Variants in ARPC1B observed in about 807,000 individuals in gnomAD.
The protein encoded by ARPC1B is actin related protein 2/3 complex subunit 1B.
In ARPC1B, 29 loss-of-function variants were observed where a neutral mutation model predicts 46.0. The ratio of observed to expected loss-of-function variants is 0.63; its 90% CI spans 0.47 to 0.86. ARPC1B has a LOEUF of 0.86. ARPC1B is among the 40% of genes least tolerant of loss of function. ARPC1B has a pLI of 0.00. For missense variants in ARPC1B, 469 were observed against 529.4 expected (o/e 0.89, Z 1.12); for synonymous variants, 201 against 213.9 (o/e 0.94, Z 0.53).
At chr7:99,392,986 C>G (rs925971185) in intron 8 of ARPC1B, 110 bp downstream of exon 8, 1 of 1,176,450 alleles carries the variant, frequency 8.5e-7, no homozygotes, top group East Asian at 2.8e-5. Flanking sequence ...GTGCTGGGAC[C>G]TTGAGGACTG....
At chr7:99,375,517 T>TAGGGC (rs778179103) in intron 1 of ARPC1B, among the ~76,000 whole-genome samples, 2 of 152,042 alleles carry the variant, frequency 1.3e-5, no homozygotes, top group Non-Finnish European at 2.9e-5. Context: ...CCAGGCCGCC[T>TAGGGC]AGGGCGGGGC....
intron 1 of ARPC1B, among the ~76,000 whole-genome samples, chr7:99,378,877 C>T (rs923046735): frequency 1.4e-5 from 2 of 141,944 alleles, no homozygotes; most frequent in African/African-American, 5.6e-5. Flanking sequence ...TCCGGGTTCA[C>T]GCCATTCTCT....
intron 1 of ARPC1B, among the ~76,000 whole-genome samples, chr7:99,382,764 G>A (rs1794266589): frequency 6.6e-6 from 1 of 151,446 alleles, no homozygotes; most frequent in African/African-American, 2.4e-5. Flanking sequence ...ATGAGCCACT[G>A]CGCCTGGCCC....
At chr7:99,387,453 A>C (rs937135523) in intron 3 of ARPC1B, among the ~76,000 whole-genome samples, 1 of 148,306 alleles carries the variant, frequency 6.7e-6, no homozygotes, top group Non-Finnish European at 1.5e-5. Flanking sequence ...AAAGAAAGAA[A>C]GAGGCCGGGT....
intron 9 of ARPC1B, 137 bp from the exon 10 acceptor site, chr7:99,394,314 A>T: frequency 9.2e-7 from 1 of 1,081,498 alleles, no homozygotes; most frequent in Non-Finnish European, 1.4e-6. Context: ...CCGGGATTCC[A>T]ACCCAGCTGA....
At chr7:99,388,558 C>T in intron 4 of ARPC1B, 1 of 377,384 alleles carries the variant, frequency 2.6e-6, no homozygotes, top group Non-Finnish European at 4.9e-6. Flanking sequence ...GGTCACTGTC[C>T]CCACTTTACA....
chr7:99,388,459 A>G (rs1794470610), intron 4 of ARPC1B, among the ~76,000 whole-genome samples, 198 bp downstream of exon 4: 1 of 152,020 alleles, frequency 6.6e-6, no homozygotes, highest in Admixed American at 6.6e-5. Context: ...AGTGACACCC[A>G]CCACACCAGA....
At chr7:99,375,907 C>T (rs78261233) in intron 1 of ARPC1B, among the ~76,000 whole-genome samples, 7,622 of 151,996 alleles carry the variant, frequency 0.05, 528 homozygotes, top group East Asian at 0.32. Context: ...ACTAAAAATA[C>T]AAAAATTACC....
intron 4 of ARPC1B, chr7:99,388,793 C>CTGCTACT (rs1794482311): frequency 2.0e-5 from 3 of 153,436 alleles, no homozygotes; most frequent in East Asian, 1.9e-4. Flanking sequence ...CTACCATGCC[C>CTGCTACT]GGATAATTTT....
intron 8 of ARPC1B, among the ~76,000 whole-genome samples, chr7:99,393,090 T>C (rs1023295252): frequency 6.6e-6 from 1 of 151,796 alleles, no homozygotes; most frequent in African/African-American, 2.4e-5. Context: ...ACGGGGCCGA[T>C]TTGTGGGCGG....
intron 1 of ARPC1B, among the ~76,000 whole-genome samples, chr7:99,375,148 C>T (rs942568807): frequency 2.0e-5 from 3 of 152,240 alleles, no homozygotes; most frequent in South Asian, 4.1e-4. Flanking sequence ...CCCAAGCTTC[C>T]GCCTCGTGCC....
In ARPC1B at chr7:99,378,884, C is replaced by G. The variant is rs554508041; in HGVS notation, c.-14+4103C>G. 1.3e-4 allele frequency among the ~76,000 whole-genome samples: 18 copies of G among 143,820 alleles called. No homozygotes were observed. The South Asian group carries it at 4.2e-3, about 34-fold the overall frequency. 94.4% of individuals were successfully genotyped at this position (143,820 alleles called of 152,430 possible). ...CTCCGCCTTCCGGGTTCACGCCATT[C>G]TCTTGCCTCAGCCTCCCGAGTAGCT... is the stretch of plus-strand genomic sequence containing the variant. On this transcript the variant is annotated intron_variant, in intron 1 of 9. Coordinates refer to ENST00000646101, the MANE Select transcript of ARPC1B (RefSeq NM_005720.4).
chr7:99,384,535 G>C (rs906588013), intron 1 of ARPC1B, among the ~76,000 whole-genome samples: 1 of 152,162 alleles, frequency 6.6e-6, no homozygotes. Flanking sequence ...GCCACAGAGA[G>C]AGACCCTGTC....
At chr7:99,376,436 T>A (rs1019227328) in intron 1 of ARPC1B, 7 of 152,204 alleles carry the variant, frequency 4.6e-5, no homozygotes, top group Non-Finnish European at 8.8e-5. Flanking sequence ...ATCATAGTGT[T>A]CCCCCAGGTG....
rs367918454 is a variant in ARPC1B at position 99,390,989 on chromosome 7, C to G, written c.597C>G (p.Ser199Arg). The G allele has an allele frequency of 2.5e-6, 4 of 1,613,992 alleles. No individual in the cohort carries two copies. The highest frequency in any genetic ancestry group is 1.6e-4 in the Middle Eastern group (1 of 6,062). The change falls in exon 6 of 10, where the codon AGC becomes AGG. Residue 199 changes from serine to arginine, a missense_variant. Coordinates refer to ENST00000646101, the MANE Select transcript of ARPC1B (RefSeq NM_005720.4). ...TTGGGGAACTGATGTTCGAATCCAG[C>G]AGTAGCTGCGGCTGGGTACATGGCG... is the stretch of plus-strand genomic sequence containing the variant. The part of the protein sequence containing the change: ...MPFGELMFES[S>R]SSCGWVHGVC...
At position 99,392,856 on chromosome 7, in the gene ARPC1B, G is replaced by C. The variant is rs1200395603; in HGVS notation, c.969G>C (p.Ser323=). 5.2e-6 allele frequency: 8 copies of C among 1,546,566 alleles called. No individual in the cohort carries two copies. In the Admixed American group the frequency reaches 1.2e-4, roughly 23 times the overall value. The part of the protein sequence containing the change: ...GGTAAGAGLD[S]LHKNSVSQIS... ...CGGCTGCGGGCGCGGGCCTAGACTC[G>C]CTGCACAAGAACAGCGTCAGGTGAG... The change falls in exon 8 of 10, where the codon TCG becomes TCC. Residue 323 remains serine, a synonymous_variant. Transcript: ENST00000646101.
chr7:99,375,631 C>T (rs1186228564), intron 1 of ARPC1B, among the ~76,000 whole-genome samples: 1 of 152,190 alleles, frequency 6.6e-6, no homozygotes, highest in Non-Finnish European at 1.5e-5. Flanking sequence ...AGGCTACCAC[C>T]ACCCATCCCG....
Position 99,386,746 on chromosome 7 carries a change from G to T in ARPC1B, c.126G>T (p.Trp42Cys). 6.2e-7 allele frequency: 1 copy of T among 1,614,148 alleles called. No homozygotes were observed. Among genetic ancestry groups the T allele is most frequent in the Non-Finnish European group, 8.5e-7 (1 of 1,180,020 alleles). ...VHIYEKSGAK[W>C]TKVHELKEHN... ...TCTATGAAAAGAGCGGTGCCAAATG[G>T]ACCAAGGTGCACGAGCTCAAGGAGC... Residue 42 changes from tryptophan to cysteine, a missense_variant, in exon 3 of 10, where the codon TGG (tryptophan) becomes TGT (cysteine). By Grantham distance (215) the Trp-to-Cys change is radical. Coordinates refer to ENST00000646101, the MANE Select transcript of ARPC1B (RefSeq NM_005720.4).
chr7:99,392,933 C>T (rs995603523), intron 8 of ARPC1B, 57 bp downstream of exon 8: 10 of 1,476,806 alleles, frequency 6.8e-6, no homozygotes, highest in Non-Finnish European at 8.2e-6. Context: ...CCAGAAACAG[C>T]GTCGGGTGAG....
Sources: allele counts gnomAD v4.1 joint callset (sites outside exome capture counted in the v4.1 genomes callset), GRCh38; gene constraint gnomAD v4.1.1; transcripts MANE v1.5; gene names NCBI Gene and HGNC (gene_info 2026-07-23, HGNC 2026-07-21).